Variants in CHSY3 observed in about 807,000 individuals in gnomAD.
CHSY3 encodes the protein chondroitin sulfate synthase 3.
A neutral mutation model predicts 67.2 loss-of-function variants in CHSY3; 35 were observed. The observed-to-expected ratio is 0.52, with a 90% CI of 0.40 to 0.69. The LOEUF is 0.69. Among genes scored for constraint, CHSY3 ranks in the 30% least tolerant of loss-of-function variants. CHSY3 has a pLI of 0.00. For missense variants in CHSY3, 1,069 were observed against 1,138.5 expected (o/e 0.94, Z 0.88); for synonymous variants, 474 against 434.7 (o/e 1.09, Z -1.12).
intron 2 of CHSY3, among the ~76,000 whole-genome samples, chr5:130,154,965 A>G (rs574129072): frequency 4.9e-4 from 74 of 152,228 alleles, no homozygotes; most frequent in Middle Eastern, 3.4e-3. Context: ...GGGGCCTGAG[A>G]GTCTTCATTT....
intron 2 of CHSY3, among the ~76,000 whole-genome samples, chr5:129,939,733 A>G (rs1028041251): frequency 6.6e-6 from 1 of 152,210 alleles, no homozygotes; most frequent in African/African-American, 2.4e-5. Context: ...TGAAAATGAT[A>G]GGCTGAAAAT....
chr5:130,141,588 G>A (rs1471837566), intron 2 of CHSY3: 3 of 485,882 alleles, frequency 6.2e-6, no homozygotes, highest in Non-Finnish European at 1.2e-5. Flanking sequence ...AGGAAGCTGA[G>A]AAATACAGAG....
At chr5:130,024,533 T>C (rs896595528) in intron 2 of CHSY3, among the ~76,000 whole-genome samples, 1 of 152,146 alleles carries the variant, frequency 6.6e-6, no homozygotes. Context: ...TCTTTCATGG[T>C]GACATCTAAT....
intron 2 of CHSY3, among the ~76,000 whole-genome samples, chr5:130,040,362 C>T (rs760916387): frequency 2.0e-5 from 3 of 152,096 alleles, no homozygotes; most frequent in Non-Finnish European, 4.4e-5. Context: ...ATCAGGCTTG[C>T]AGAATACCAG....
At chr5:130,070,190 G>T (rs1766012732) in intron 2 of CHSY3, among the ~76,000 whole-genome samples, 1 of 152,006 alleles carries the variant, frequency 6.6e-6, no homozygotes, top group Non-Finnish European at 1.5e-5. Context: ...ACTGATAGGA[G>T]TACTACCTAT....
In CHSY3 at chr5:129,976,040, A is replaced by G. The variant is rs143679985; in HGVS notation, c.1086+67680A>G. Among the ~76,000 whole-genome samples, 316 of 152,180 alleles carry G rather than the reference A, an allele frequency of 2.1e-3. 1 individual carries two copies. Among genetic ancestry groups the G allele is most frequent in the African/African-American group, 6.4e-3 (267 of 41,532 alleles). On this transcript the variant is annotated intron_variant, in intron 2 of 2. Transcript: ENST00000305031. The stretch of plus-strand genomic sequence containing the variant: ...TTCTTCTGTGTGAAAAATAAATAAA[A>G]ATAAATAAATAAAAATAAAATAAAA...
intron 2 of CHSY3, among the ~76,000 whole-genome samples, chr5:130,010,703 G>A (rs868165671): frequency 3.3e-5 from 5 of 152,032 alleles, no homozygotes; most frequent in African/African-American, 1.2e-4. Context: ...CAAAAGTGAT[G>A]ATTTGAAGAA....
rs527385492 is a variant in CHSY3, at chr5:129,940,956, T to C, written c.1086+32596T>C. On this transcript the variant is annotated intron_variant, in intron 2 of 2. Transcript: ENST00000305031. Reference sequence around the variant, plus strand: ...GATGTTCAGTAGGCACGGTGGCTCATGCCTATTATCCCAGCACTTTGGGAG... The same window carrying C: ...GATGTTCAGTAGGCACGGTGGCTCACGCCTATTATCCCAGCACTTTGGGAG... Among the ~76,000 whole-genome samples the C allele has an allele frequency of 5.3e-5, 8 of 152,202 alleles. No homozygotes were observed. In the South Asian group the frequency reaches 6.2e-4, roughly 12 times the overall value.
At chr5:130,155,190 G>C (rs531924395) in intron 2 of CHSY3, among the ~76,000 whole-genome samples, 2 of 152,172 alleles carry the variant, frequency 1.3e-5, no homozygotes, top group Non-Finnish European at 2.9e-5. Context: ...CTGGATTCTG[G>C]ATAGATAGCT....
At chr5:130,092,104 T>A (rs1253579010) in intron 2 of CHSY3, among the ~76,000 whole-genome samples, 1 of 152,124 alleles carries the variant, frequency 6.6e-6, no homozygotes, top group East Asian at 1.9e-4. Flanking sequence ...TGTTTACTCA[T>A]CCTCCCTCTT....
chr5:130,038,602 A>G (rs565810390), intron 2 of CHSY3, among the ~76,000 whole-genome samples: 10 of 152,232 alleles, frequency 6.6e-5, no homozygotes, highest in Admixed American at 6.5e-4. Context: ...GCTATGAGGT[A>G]GGAAATTCTT....
At chr5:129,996,762 TACAC>T (rs778235697) in intron 2 of CHSY3, among the ~76,000 whole-genome samples, 1 of 151,834 alleles carries the variant, frequency 6.6e-6, no homozygotes, top group African/African-American at 2.4e-5. Flanking sequence ...CACACACACA[TACAC>T]ACACACACTC....
At chr5:130,077,824 T>TAC (rs1348501433) in intron 2 of CHSY3, among the ~76,000 whole-genome samples, 5 of 152,052 alleles carry the variant, frequency 3.3e-5, no homozygotes, top group African/African-American at 1.2e-4. Flanking sequence ...CACATATATA[T>TAC]ACACACATAC....
At chr5:130,006,671 A>G (rs1285742804) in intron 2 of CHSY3, among the ~76,000 whole-genome samples, 2 of 152,236 alleles carry the variant, frequency 1.3e-5, no homozygotes. Flanking sequence ...TTGTGAAATA[A>G]TATGATATTT....
intron 2 of CHSY3, among the ~76,000 whole-genome samples, chr5:130,116,482 G>A (rs1767806859): frequency 6.6e-6 from 1 of 152,168 alleles, no homozygotes; most frequent in Non-Finnish European, 1.5e-5. Flanking sequence ...AAAGATTTGT[G>A]GGCAGTATTA....
chr5:130,085,378 G>A (rs996835560), intron 2 of CHSY3, among the ~76,000 whole-genome samples: 2 of 151,952 alleles, frequency 1.3e-5, no homozygotes, highest in Admixed American at 1.3e-4. Flanking sequence ...AGAAAAAATA[G>A]TCTATAATTA....
intron 2 of CHSY3, among the ~76,000 whole-genome samples, chr5:130,147,818 T>G (rs973251016): frequency 2.0e-5 from 3 of 152,120 alleles, no homozygotes; most frequent in Admixed American, 2.0e-4. Flanking sequence ...TTTATTTCAT[T>G]TTTTGCTTTT....
At chr5:130,175,714 C>T (rs1580801080) in intron 2 of CHSY3, among the ~76,000 whole-genome samples, 1 of 152,094 alleles carries the variant, frequency 6.6e-6, no homozygotes, top group Non-Finnish European at 1.5e-5. Context: ...CATCTACAAC[C>T]ATCTGATCTT....
chr5:130,162,712 T>C (rs1391284649), intron 2 of CHSY3, among the ~76,000 whole-genome samples: 1 of 152,096 alleles, frequency 6.6e-6, no homozygotes, highest in Non-Finnish European at 1.5e-5. Flanking sequence ...TATCTTTTTT[T>C]TAAAAATGTT....
Sources: allele counts gnomAD v4.1 joint callset (sites outside exome capture counted in the v4.1 genomes callset), GRCh38; gene constraint gnomAD v4.1.1; transcripts MANE v1.5; gene names NCBI Gene and HGNC (gene_info 2026-07-23, HGNC 2026-07-21).